The following WASF3 variants were observed in gnomAD, a reference collection of about 807,000 sequenced individuals.
WASF3 encodes the protein WASP family member 3.
WASF3 carries 11 observed loss-of-function variants against 46.6 expected under a neutral mutation model. That is an observed-to-expected ratio of 0.24 (90% CI 0.15 to 0.39). WASF3 has a LOEUF of 0.39. Among genes scored for constraint, WASF3 ranks in the 10% least tolerant of loss-of-function variants. The pLI is 1.00. For synonymous variants in WASF3, 242 were observed against 259.7 expected (o/e 0.93, Z 0.65); for missense variants, 576 against 669.8 (o/e 0.86, Z 1.55).
chr13:26,564,903 T>TTC (rs1343081717), intron 1 of WASF3, among the ~76,000 whole-genome samples: 31 of 142,762 alleles, frequency 2.2e-4, no homozygotes, highest in Admixed American at 1.6e-3. Context: ...GGTTGTGGTT[T>TTC]TTTTTTTTTT....
In WASF3 at chr13:26,636,652, GA is replaced by G. The variant is rs554264598; in HGVS notation, c.-10-5607del. ...GTTCCTATTCGGCCATCTTGGAACAGAACTTATTTTTATTTTTTACCACCAA... is the reference window on the plus strand; with the variant it reads ...GTTCCTATTCGGCCATCTTGGAACAGACTTATTTTTATTTTTTACCACCAA... On this transcript the variant is annotated intron_variant, in intron 2 of 9. Transcript: ENST00000335327. 2.4e-3 allele frequency among the ~76,000 whole-genome samples: 359 copies of G among 152,306 alleles called. 2 individuals are homozygous for G. The highest frequency in any genetic ancestry group is 4.2e-3 in the Non-Finnish European group (287 of 68,020).
chr13:26,614,371 T>C (rs1881070864), intron 2 of WASF3, among the ~76,000 whole-genome samples: 1 of 152,118 alleles, frequency 6.6e-6, no homozygotes, highest in Admixed American at 6.5e-5. Flanking sequence ...CCCAAGAAAT[T>C]CCAAAATATT....
At position 26,584,886 on chromosome 13, in the gene WASF3, T is replaced by C. The variant is rs571793547; in HGVS notation, c.-109+27067T>C. ...GTGTTTCAAAGTCTTCTTTGTAAAT[T>C]AAAATATGAAAGCTGTTGTTACTCT... is the stretch of plus-strand genomic sequence containing the variant. On this transcript the variant is annotated intron_variant, in intron 1 of 9. Transcript: ENST00000335327. Among the ~76,000 whole-genome samples the C allele has an allele frequency of 5.9e-5, 9 of 152,322 alleles. No individual in the cohort carries two copies. The East Asian group carries it at 1.7e-3, about 29-fold the overall frequency.
At chr13:26,558,019 T>C (rs489499) in intron 1 of WASF3, among the ~76,000 whole-genome samples, 200 bp downstream of exon 1, 125,100 of 150,986 alleles carry the variant, frequency 0.83, 51,895 homozygotes, top group East Asian at 0.9. Flanking sequence ...CCGGCCGCAT[T>C]CTCCCGGCCG....
At chr13:26,552,973 A>G (rs1402361089), upstream of WASF3, among the ~76,000 whole-genome samples, 1 of 152,240 alleles carries the variant, frequency 6.6e-6, no homozygotes, top group Non-Finnish European at 1.5e-5. Flanking sequence ...TAAGCTGCCT[A>G]CATTTTGACT....
chr13:26,653,512 TCCAGTGG>T (rs1882378052), intron 3 of WASF3, among the ~76,000 whole-genome samples: 1 of 152,170 alleles, frequency 6.6e-6, no homozygotes, highest in Non-Finnish European at 1.5e-5. Flanking sequence ...GCTGCTAAAA[TCCAGTGG>T]CCAGGATCAG....
intron 3 of WASF3, among the ~76,000 whole-genome samples, chr13:26,653,658 G>A (rs1200875491): frequency 6.6e-6 from 1 of 152,134 alleles, no homozygotes; most frequent in Non-Finnish European, 1.5e-5. Context: ...GCTGTGCTTT[G>A]TCTCCTCAGT....
intron 4 of WASF3, among the ~76,000 whole-genome samples, chr13:26,667,239 A>G (rs1882800462): frequency 6.6e-6 from 1 of 152,150 alleles, no homozygotes; most frequent in African/African-American, 2.4e-5. Flanking sequence ...ATTTCTGAGA[A>G]ATGCTATTTA....
At chr13:26,549,617 C>T in the WASF3 span, among the ~76,000 whole-genome samples, 1 of 152,126 alleles carries the variant, frequency 6.6e-6, no homozygotes, top group African/African-American at 2.4e-5. Context: ...AAACCCTCTG[C>T]GACTCCAGGC....
intron 3 of WASF3, among the ~76,000 whole-genome samples, chr13:26,653,408 C>T (rs2137436553): frequency 6.6e-6 from 1 of 152,320 alleles, no homozygotes; most frequent in South Asian, 2.1e-4. Context: ...TCTCCATGGC[C>T]TCTATTTCCC....
the WASF3 span, among the ~76,000 whole-genome samples, chr13:26,547,971 G>A: frequency 6.6e-6 from 1 of 152,196 alleles, no homozygotes; most frequent in African/African-American, 2.4e-5. Flanking sequence ...GAATGACATT[G>A]CCTAAAATGA....
chr13:26,624,876 C>G (rs1881418237), intron 2 of WASF3, among the ~76,000 whole-genome samples: 1 of 152,108 alleles, frequency 6.6e-6, no homozygotes, highest in Admixed American at 6.6e-5. Flanking sequence ...CCTGTCGATG[C>G]ATAATTCTAT....
intron 2 of WASF3, among the ~76,000 whole-genome samples, chr13:26,622,970 A>G (rs780389142): frequency 6.6e-6 from 1 of 152,228 alleles, no homozygotes; most frequent in Non-Finnish European, 1.5e-5. Context: ...CTAGAAAGCA[A>G]TAACTTTTCT....
At chr13:26,673,146 G>T (rs1388187753) in intron 6 of WASF3, among the ~76,000 whole-genome samples, 2 of 151,992 alleles carry the variant, frequency 1.3e-5, no homozygotes, top group Non-Finnish European at 2.9e-5. Flanking sequence ...AAAATGCTGG[G>T]GCTTACCTGC....
intron 1 of WASF3, among the ~76,000 whole-genome samples, chr13:26,564,336 G>T (rs1034609442): frequency 3.9e-5 from 6 of 152,146 alleles, no homozygotes; most frequent in African/African-American, 1.4e-4. Flanking sequence ...CTTGAACGTC[G>T]TCGTCATATA....
intron 1 of WASF3, among the ~76,000 whole-genome samples, chr13:26,597,830 G>GCACA (rs1880521458): frequency 2.0e-5 from 3 of 152,170 alleles, no homozygotes; most frequent in African/African-American, 7.2e-5. Context: ...ATTCCATGGT[G>GCACA]TATATGTGCC....
At chr13:26,544,356 C>A in the WASF3 span, among the ~76,000 whole-genome samples, 1 of 152,024 alleles carries the variant, frequency 6.6e-6, no homozygotes, top group Admixed American at 6.5e-5. Flanking sequence ...GATGGAAGGC[C>A]CAAATCGGTT....
At chr13:26,658,517 G>A (rs1485540490) in intron 3 of WASF3, among the ~76,000 whole-genome samples, 1 of 152,208 alleles carries the variant, frequency 6.6e-6, no homozygotes, top group Non-Finnish European at 1.5e-5. Flanking sequence ...GTGCACATTA[G>A]CTTATTAATG....
At chr13:26,598,932 A>G (rs971390145) in intron 1 of WASF3, among the ~76,000 whole-genome samples, 4 of 151,740 alleles carry the variant, frequency 2.6e-5, no homozygotes, top group Admixed American at 6.6e-5. Flanking sequence ...GTGCACTGGC[A>G]CGATCTTGGC....
Sources: allele counts gnomAD v4.1 joint callset (sites outside exome capture counted in the v4.1 genomes callset), GRCh38; gene constraint gnomAD v4.1.1; transcripts MANE v1.5; gene names NCBI Gene and HGNC (gene_info 2026-07-23, HGNC 2026-07-21).